Variants in NABP2 observed in about 807,000 individuals in gnomAD.
NABP2 encodes SOSS complex subunit B1.
Under a neutral mutation model 22.7 loss-of-function variants are expected in NABP2, and 7 were observed. The ratio of observed to expected loss-of-function variants is 0.31; its 90% CI spans 0.18 to 0.58. The LOEUF (loss-of-function observed/expected upper bound fraction) is 0.58, where lower values mean the gene tolerates loss of function less well. Among genes scored for constraint, NABP2 ranks in the 20% least tolerant of loss-of-function variants. The probability of loss-of-function intolerance (pLI) is 0.89; values close to 1 mark genes in which losing one functional copy is unlikely to be tolerated. For synonymous variants in NABP2, 107 were observed against 99.2 expected, an observed-to-expected ratio of 1.08 and a Z score of -0.47; for missense variants, 188 against 265.9, an observed-to-expected ratio of 0.71 and a Z score of 2.04.
chr12:56,224,379 C>G lies in NABP2; in HGVS notation c.-86C>G. On this transcript the variant is annotated 5_prime_UTR_variant, in exon 1 of 7. Coordinates refer to ENST00000267023, the MANE Select transcript of NABP2 (RefSeq NM_024068.4). ...TCCACGGGGCAGCATCCGGCGGCAG[C>G]GGAGCCTGTGGCTCCCCCTGCGGGC... is the stretch of plus-strand genomic sequence containing the variant. 4 of 990,350 alleles carry G rather than the reference C, an allele frequency of 4.0e-6. No homozygotes were observed. The highest frequency in any genetic ancestry group is 4.8e-6 in the Non-Finnish European group (4 of 831,914). 61.3% of individuals were successfully genotyped at this position (990,350 alleles called of 1,614,324 possible).
intron 2 of NABP2, 68 bp from the exon 3 acceptor site, chr12:56,225,305 A>G: frequency 6.3e-7 from 1 of 1,595,134 alleles, no homozygotes; most frequent in Non-Finnish European, 8.6e-7. Context: ...TCCACATCTC[A>G]TCCTTCTGAG....
At chr12:56,225,073 T>G (rs1259136133) in intron 2 of NABP2, 138 bp downstream of exon 2, 2 of 720,786 alleles carry the variant, frequency 2.8e-6, no homozygotes, top group Admixed American at 2.4e-5. Flanking sequence ...TCTTCGACCC[T>G]GGGACAGAAA....
intron 6 of NABP2, among the ~76,000 whole-genome samples, chr12:56,228,386 C>G (rs1869889157): frequency 7.3e-6 from 1 of 137,630 alleles, no homozygotes; most frequent in Non-Finnish European, 1.6e-5. Context: ...GTGAAGGGGC[C>G]TTTTTTTTTT....
At chr12:56,225,603 T>C (rs767655524) in intron 3 of NABP2, 21 bp from the exon 4 acceptor site, 1 of 1,614,212 alleles carries the variant, frequency 6.2e-7, no homozygotes, top group South Asian at 1.1e-5. Flanking sequence ...TACTGAATTT[T>C]GCTTTTTTTG....
Position 56,229,264 on chromosome 12 carries a change from G to C in NABP2, c.*51G>C. ...AACCACATCCCAAGTGTCCCCTGGA[G>C]AGCAAGATAGCCTTCCACTGATTGG... On this transcript the variant is annotated 3_prime_UTR_variant, in exon 7 of 7. Coordinates refer to ENST00000267023, the MANE Select transcript of NABP2 (RefSeq NM_024068.4). 1 of 1,595,116 alleles carries C rather than the reference G, an allele frequency of 6.3e-7. No individual in the cohort carries two copies. The highest frequency in any genetic ancestry group is 1.1e-5 in the South Asian group (1 of 90,102).
rs887732751 is a variant in NABP2, at chr12:56,224,393, C to T, written c.-72C>T. The T allele has an allele frequency of 5.7e-5, 56 of 990,982 alleles. No homozygotes were observed. Among genetic ancestry groups the T allele is most frequent in the Non-Finnish European group, 6.6e-5 (55 of 832,108 alleles). The allele number at this position is 990,982 out of a possible 1,614,324, so 61.4% of individuals were successfully genotyped here. On this transcript the variant is annotated 5_prime_UTR_variant, in exon 1 of 7. Transcript: ENST00000267023. ...TCCGGCGGCAGCGGAGCCTGTGGCT[C>T]CCCCTGCGGGCTGCTCAGCGGCGTG...
upstream of NABP2, among the ~76,000 whole-genome samples, chr12:56,223,280 GGCCAGGT>G (rs1464501237): frequency 6.6e-6 from 1 of 152,112 alleles, no homozygotes; most frequent in Non-Finnish European, 1.5e-5. Flanking sequence ...AGAGTAGTAT[GGCCAGGT>G]GCAGCGGCTC....
chr12:56,229,087 T>TGCCCACCC lies in NABP2; in HGVS notation c.510_511insGCCCACCC (p.Pro171AlafsTer65). On this transcript the variant is annotated frameshift_variant, in exon 7 of 7. Coordinates refer to ENST00000267023, the MANE Select transcript of NABP2 (RefSeq NM_024068.4). LOFTEE classifies it high-confidence loss of function. ...GTGGTGGCCCACATCCCCCTCATAC[T>TGCCCACCC]CCCTCCCACCCACCCAGCACCCGAA... 1.3e-6 allele frequency: 2 copies of TGCCCACCC among 1,512,336 alleles called. No individual in the cohort carries two copies. The highest frequency in any genetic ancestry group is 1.8e-6 in the Non-Finnish European group (2 of 1,102,004). The allele number at this position is 1,512,336 out of a possible 1,614,324, so 93.7% of individuals were successfully genotyped here. A position where few individuals can be genotyped will look rare whatever the true frequency, so the allele number is the denominator to read the frequency against.
intron 1 of NABP2, 150 bp from the exon 2 acceptor site, chr12:56,224,684 C>T (rs1457808327): frequency 4.5e-6 from 4 of 897,934 alleles, no homozygotes; most frequent in Non-Finnish European, 6.5e-6. Context: ...AGTTGGAGGC[C>T]TCCGGGGATG....
At position 56,224,914 on chromosome 12, in the gene NABP2, A is replaced by G; in HGVS notation, c.58A>G (p.Ile20Val). The G allele has an allele frequency of 3.1e-6, 5 of 1,610,846 alleles. No homozygotes were observed. The highest frequency in any genetic ancestry group is 4.2e-6 in the Non-Finnish European group (5 of 1,178,604). The change falls in exon 2 of 7, where the codon ATC (isoleucine) becomes GTC (valine). Residue 20 changes from isoleucine to valine, a missense_variant. Physicochemically the swap from Ile to Val is conservative, Grantham distance 29. Transcript: ENST00000267023. Reference protein sequence around the residue: ...IKPGLKNLNLIFIVLETGRVT... With the variant: ...IKPGLKNLNLVFIVLETGRVT... ...GCCTGGGCTCAAGAATCTGAACCTTATCTTCATTGTGCTGGAGACAGGTGT... is the reference window on the plus strand; with the variant it reads ...GCCTGGGCTCAAGAATCTGAACCTTGTCTTCATTGTGCTGGAGACAGGTGT...
chr12:56,225,399 C>T lies in NABP2; in HGVS notation c.106C>T (p.His36Tyr). ...CCGAGTGACCAAGACAAAGGACGGG[C>T]ATGAGGTTCGGACCTGCAAAGTGGC... ...TGRVTKTKDG[H>Y]EVRTCKVADK... is the part of the protein sequence containing the mutation. The change falls in exon 3 of 7, where the codon CAT (histidine) becomes TAT (tyrosine). Residue 36 changes from histidine (H) to tyrosine (Y), a missense_variant. Coordinates refer to ENST00000267023, the MANE Select transcript of NABP2 (RefSeq NM_024068.4). 1 of 1,614,190 alleles carries T rather than the reference C, an allele frequency of 6.2e-7. No individual in the cohort carries two copies.
In NABP2 at chr12:56,229,264, G is replaced by A; in HGVS notation, c.*51G>A. ...AACCACATCCCAAGTGTCCCCTGGAGAGCAAGATAGCCTTCCACTGATTGG... is the reference window on the plus strand; with the variant it reads ...AACCACATCCCAAGTGTCCCCTGGAAAGCAAGATAGCCTTCCACTGATTGG... On this transcript the variant is annotated 3_prime_UTR_variant, in exon 7 of 7. Coordinates refer to ENST00000267023, the MANE Select transcript of NABP2 (RefSeq NM_024068.4). 2 of 1,595,116 alleles carry A rather than the reference G, an allele frequency of 1.3e-6. No individual in the cohort carries two copies. The highest frequency in any genetic ancestry group is 1.7e-6 in the Non-Finnish European group (2 of 1,166,446).
At chr12:56,228,755 CA>C (rs1408039648) in intron 6 of NABP2, among the ~76,000 whole-genome samples, 1 of 152,074 alleles carries the variant, frequency 6.6e-6, no homozygotes, top group Non-Finnish European at 1.5e-5. Context: ...GTCTGATTCC[CA>C]ATAATAGTGA....
upstream of NABP2, chr12:56,222,284 G>A (rs1023308694): frequency 4.6e-5 from 7 of 152,278 alleles, no homozygotes; most frequent in Admixed American, 3.9e-4. Flanking sequence ...TGCGGGTCCG[G>A]CCCCTCTCCC....
chr12:56,229,087 T>TTGGGGGGGCCCCCC lies in NABP2; in HGVS notation c.510_511insTGGGGGGGCCCCCC (p.Pro171TrpfsTer67). 6.6e-7 allele frequency: 1 copy of TTGGGGGGGCCCCCC among 1,512,344 alleles called. No individual in the cohort carries two copies. Among genetic ancestry groups the TTGGGGGGGCCCCCC allele is most frequent in the Non-Finnish European group, 9.1e-7 (1 of 1,102,012 alleles). The allele number at this position is 1,512,344 out of a possible 1,614,324, so 93.7% of individuals were successfully genotyped here. A position where few individuals can be genotyped will look rare whatever the true frequency, so the allele number is the denominator to read the frequency against. ...GTGGTGGCCCACATCCCCCTCATAC[T>TTGGGGGGGCCCCCC]CCCTCCCACCCACCCAGCACCCGAA... is the stretch of plus-strand genomic sequence containing the variant. On this transcript the variant is annotated frameshift_variant, in exon 7 of 7. Transcript: ENST00000267023. LOFTEE classifies it high-confidence loss of function.
chr12:56,228,866 C>T (rs1869940943), intron 6 of NABP2, 148 bp from the exon 7 acceptor site: 3 of 721,216 alleles, frequency 4.2e-6, no homozygotes, highest in East Asian at 2.7e-5. Context: ...TCGCAGCCCA[C>T]AGTCTTTTGC....
chr12:56,224,457 C>CG lies in NABP2; in HGVS notation c.-24+19dup. On this transcript the variant is annotated intron_variant, in intron 1 of 6. Coordinates refer to ENST00000267023, the MANE Select transcript of NABP2 (RefSeq NM_024068.4). ...GCTGGCTTGGGTGGGTGGTGGGCTG[C>CG]GGGTAGGGGAGGGGATGGACCGAGT... The CG allele has an allele frequency of 9.7e-7, 1 of 1,034,084 alleles. No individual in the cohort carries two copies. Among genetic ancestry groups the CG allele is most frequent in the Non-Finnish European group, 1.2e-6 (1 of 854,850 alleles). The allele number at this position is 1,034,084 out of a possible 1,614,324, so 64.1% of individuals were successfully genotyped here.
chr12:56,227,611 T>C (rs1869834287), intron 6 of NABP2, among the ~76,000 whole-genome samples: 1 of 151,738 alleles, frequency 6.6e-6, no homozygotes, highest in Admixed American at 6.6e-5. Flanking sequence ...ATGTCCAGAG[T>C]TGTGAGAGCT....
At position 56,229,087 on chromosome 12, in the gene NABP2, T is replaced by TTCCCGCCC; in HGVS notation, c.510_511insTCCCGCCC (p.Pro171SerfsTer65). On this transcript the variant is annotated frameshift_variant, in exon 7 of 7. Coordinates refer to ENST00000267023, the MANE Select transcript of NABP2 (RefSeq NM_024068.4). LOFTEE classifies it high-confidence loss of function. ...GTGGTGGCCCACATCCCCCTCATAC[T>TTCCCGCCC]CCCTCCCACCCACCCAGCACCCGAA... The TTCCCGCCC allele has an allele frequency of 6.6e-7, 1 of 1,512,344 alleles. No homozygotes were observed. The highest frequency in any genetic ancestry group is 9.1e-7 in the Non-Finnish European group (1 of 1,102,012). The allele number at this position is 1,512,344 out of a possible 1,614,324, so 93.7% of individuals were successfully genotyped here. A position where few individuals can be genotyped will look rare whatever the true frequency, so the allele number is the denominator to read the frequency against.
Sources: allele counts gnomAD v4.1 joint callset (sites outside exome capture counted in the v4.1 genomes callset), GRCh38; gene constraint gnomAD v4.1.1; transcripts MANE v1.5; gene names NCBI Gene and HGNC (gene_info 2026-07-23, HGNC 2026-07-21).